Variants in ZBBX observed in about 807,000 individuals in gnomAD.
ZBBX encodes zinc finger B-box domain containing, also known as zinc finger B-box domain-containing protein 1.
ZBBX carries 101 observed loss-of-function variants against 108.5 expected under a neutral mutation model. The observed-to-expected ratio is 0.93, with a 90% CI of 0.79 to 1.10. The LOEUF (loss-of-function observed/expected upper bound fraction) is 1.10, where lower values mean the gene tolerates loss of function less well. ZBBX is among the 50% of genes least tolerant of loss of function. The pLI is 0.00. For synonymous variants in ZBBX, 356 were observed against 323.4 expected (o/e 1.10, Z -1.08); for missense variants, 1,009 against 941.4 (o/e 1.07, Z -0.94).
At chr3:167,306,319 A>C (rs1156972398) in intron 16 of ZBBX, among the ~76,000 whole-genome samples, 2 of 152,184 alleles carry the variant, frequency 1.3e-5, no homozygotes, top group Non-Finnish European at 2.9e-5. Context: ...CACAGGGGGA[A>C]CATTTTTTCA....
At position 167,406,485 on chromosome 3, in the gene ZBBX, C is replaced by T. The variant is rs990028570; in HGVS notation, c.-446+1241G>A. 1.1e-4 allele frequency among the ~76,000 whole-genome samples: 16 copies of T among 152,192 alleles called. No homozygotes were observed. The East Asian group carries it at 2.5e-3, about 24-fold the overall frequency. Reference sequence around the variant, plus strand: ...CCTGTGATCCCAACACTTTGGGAGGCCAAGGCAGGTGGATCACCTGAGCCT... The same window carrying T: ...CCTGTGATCCCAACACTTTGGGAGGTCAAGGCAGGTGGATCACCTGAGCCT... On this transcript the variant is annotated intron_variant, in intron 1 of 21. Transcript: ENST00000455345.
intron 10 of ZBBX, among the ~76,000 whole-genome samples, chr3:167,332,890 G>C (rs1213601299): frequency 6.6e-6 from 1 of 152,078 alleles, no homozygotes; most frequent in Non-Finnish European, 1.5e-5. Flanking sequence ...ATTTGAAAAA[G>C]AGGAATAATT....
intron 20 of ZBBX, among the ~76,000 whole-genome samples, chr3:167,254,765 A>C (rs534530855): frequency 2.4e-4 from 36 of 152,230 alleles, no homozygotes; most frequent in South Asian, 8.3e-4. Flanking sequence ...TGTGTTTAAA[A>C]AAAATGCTGA....
the ZBBX span, among the ~76,000 whole-genome samples, chr3:167,186,289 T>A: frequency 1.1e-4 from 17 of 152,208 alleles, no homozygotes; most frequent in South Asian, 1.7e-3. Context: ...ATGCCCTTTG[T>A]ACATAGACAA....
intron 9 of ZBBX, among the ~76,000 whole-genome samples, chr3:167,337,934 C>A (rs567074367): frequency 2.0e-5 from 3 of 152,090 alleles, no homozygotes; most frequent in Non-Finnish European, 4.4e-5. Context: ...TTTCCATTTT[C>A]TAAGTATAAA....
At chr3:167,306,902 C>G (rs189486075) in intron 16 of ZBBX, among the ~76,000 whole-genome samples, 13 of 152,220 alleles carry the variant, frequency 8.5e-5, no homozygotes, top group Admixed American at 7.2e-4. Flanking sequence ...AAACTGTCTC[C>G]TGTGATGTAA....
At chr3:167,181,751 C>T in the ZBBX span, among the ~76,000 whole-genome samples, 1 of 152,152 alleles carries the variant, frequency 6.6e-6, no homozygotes, top group African/African-American at 2.4e-5. Flanking sequence ...CTTGAATTTC[C>T]CCATTGTAAT....
chr3:167,301,237 C>T (rs1468907145), intron 17 of ZBBX, among the ~76,000 whole-genome samples: 1 of 152,182 alleles, frequency 6.6e-6, no homozygotes, highest in Non-Finnish European at 1.5e-5. Context: ...AGGAACCCTG[C>T]TGTAAATTAT....
At chr3:167,323,238 A>AGGG (rs34327421) in intron 11 of ZBBX, among the ~76,000 whole-genome samples, 12 of 30,482 alleles carry the variant, frequency 3.9e-4, no homozygotes, top group Non-Finnish European at 4.5e-4. Context: ...GAGCTAAAAG[A>AGGG]GGGGGGGGGG....
At chr3:167,183,415 C>A in the ZBBX span, among the ~76,000 whole-genome samples, 10 of 152,288 alleles carry the variant, frequency 6.6e-5, no homozygotes, top group African/African-American at 2.4e-4. Context: ...CATGTATGGG[C>A]ACCACTTGCC....
At chr3:167,268,911 C>T (rs773483688) in intron 20 of ZBBX, among the ~76,000 whole-genome samples, 6 of 152,136 alleles carry the variant, frequency 3.9e-5, no homozygotes, top group Non-Finnish European at 5.9e-5. Context: ...AAGAACCAAG[C>T]CTCCATCTAG....
At chr3:167,394,876 C>A (rs897299959) in intron 1 of ZBBX, among the ~76,000 whole-genome samples, 2 of 152,002 alleles carry the variant, frequency 1.3e-5, no homozygotes, top group African/African-American at 4.8e-5. Flanking sequence ...TTCAGGAACA[C>A]CTGCAATGGT....
the ZBBX span, among the ~76,000 whole-genome samples, chr3:167,218,233 T>G: frequency 6.6e-6 from 1 of 152,026 alleles, no homozygotes; most frequent in East Asian, 1.9e-4. Context: ...GTAACAAACC[T>G]TCACATGAAC....
At chr3:167,298,562 A>G in intron 17 of ZBBX, 104 bp from the exon 18 acceptor site, 2 of 821,688 alleles carry the variant, frequency 2.4e-6, no homozygotes, top group Non-Finnish European at 3.5e-6. Flanking sequence ...CTTGGCACAA[A>G]TTCTTCCCTC....
rs566568032 is a variant in ZBBX at position 167,303,137 on chromosome 3, T to C, written c.1725+2506A>G. 4.6e-4 allele frequency among the ~76,000 whole-genome samples: 70 copies of C among 152,334 alleles called. 1 individual carries two copies. The highest frequency in any genetic ancestry group is 1.6e-3 in the African/African-American group (67 of 41,584). ...ACCCAATACTTAACTATACTATTTT[T>C]CCTTTGATGCATTTATTTCCTGACT... On this transcript the variant is annotated intron_variant, in intron 17 of 21. Transcript: ENST00000675490.
intron 1 of ZBBX, among the ~76,000 whole-genome samples, chr3:167,402,772 A>G (rs1341783309): frequency 7.8e-6 from 1 of 128,296 alleles, no homozygotes; most frequent in Non-Finnish European, 1.6e-5. Flanking sequence ...ATATATCTGT[A>G]AACTACAATA....
intron 16 of ZBBX, among the ~76,000 whole-genome samples, chr3:167,309,978 G>C (rs1734303112): frequency 6.6e-6 from 1 of 152,118 alleles, no homozygotes; most frequent in African/African-American, 2.4e-5. Flanking sequence ...CTTTGTGAAT[G>C]CATATGACTA....
intron 20 of ZBBX, among the ~76,000 whole-genome samples, chr3:167,264,353 T>C (rs975256268): frequency 4.6e-5 from 7 of 152,316 alleles, no homozygotes; most frequent in African/African-American, 1.4e-4. Context: ...TTTACGCTTT[T>C]TATTTTTTTA....
At chr3:167,349,428 T>C (rs558140985) in intron 9 of ZBBX, among the ~76,000 whole-genome samples, 1 of 152,170 alleles carries the variant, frequency 6.6e-6, no homozygotes, top group East Asian at 1.9e-4. Context: ...CCCTGCATCC[T>C]TTCTGCCCAG....
Sources: allele counts gnomAD v4.1 joint callset (sites outside exome capture counted in the v4.1 genomes callset), GRCh38; gene constraint gnomAD v4.1.1; transcripts MANE v1.5; gene names NCBI Gene and HGNC (gene_info 2026-07-23, HGNC 2026-07-21).